PPP6C: variants seen among roughly 807,000 people sequenced by gnomAD.
PPP6C encodes the protein serine/threonine-protein phosphatase 6 catalytic subunit.
In PPP6C, 11 loss-of-function variants were observed where a neutral mutation model predicts 39.8. The observed-to-expected ratio is 0.28, with a 90% CI of 0.17 to 0.46. The LOEUF is 0.46. PPP6C is among the 20% of genes least tolerant of loss of function. The pLI is 1.00. For synonymous variants in PPP6C, 129 were observed against 130.3 expected (o/e 0.99, Z 0.07); for missense variants, 211 against 373.9 (o/e 0.56, Z 3.59).
At chr9:125,160,459 T>TG (rs1446561117) in intron 3 of PPP6C, among the ~76,000 whole-genome samples, 1 of 152,204 alleles carries the variant, frequency 6.6e-6, no homozygotes, top group East Asian at 1.9e-4. Context: ...AATTGAATCA[T>TG]GGGGGCAAGT....
At position 125,171,274 on chromosome 9, in the gene PPP6C, C is replaced by T. The variant is rs1286928319; in HGVS notation, c.76-94G>A. On this transcript the variant is annotated intron_variant, in intron 1 of 6. Coordinates refer to ENST00000373547, the MANE Select transcript of PPP6C (RefSeq NM_002721.5). ...AGAAAAATACCAGGTCTAATACTTA[C>T]AAAACCCAAGTATACTTTTTGATAG... 1.6e-5 allele frequency: 15 copies of T among 961,074 alleles called. No homozygotes were observed. The South Asian group carries it at 2.7e-4, about 17-fold the overall frequency. 59.5% of individuals were successfully genotyped at this position (961,074 alleles called of 1,614,324 possible). A position where few individuals can be genotyped will look rare whatever the true frequency, so the allele number is the denominator to read the frequency against.
chr9:125,162,843 C>T (rs1411098769), intron 2 of PPP6C, among the ~76,000 whole-genome samples: 1 of 150,728 alleles, frequency 6.6e-6, no homozygotes, highest in Non-Finnish European at 1.5e-5. Context: ...TTTGGGAGGC[C>T]GAGGCGGGTG....
intron 1 of PPP6C, among the ~76,000 whole-genome samples, chr9:125,177,578 G>C (rs1417473626): frequency 6.6e-6 from 1 of 152,048 alleles, no homozygotes; most frequent in South Asian, 2.1e-4. Context: ...AAAGTGCAGA[G>C]TTCCCATATA....
chr9:125,172,380 A>C lies in PPP6C; in HGVS notation c.76-1200T>G, dbSNP rs144509180. Reference sequence around the variant, plus strand: ...CAGGCACACACCATCATGCCCAGCTAATTTTTGTATTCTTAGTAGTTTCAC... The same window carrying C: ...CAGGCACACACCATCATGCCCAGCTCATTTTTGTATTCTTAGTAGTTTCAC... On this transcript the variant is annotated intron_variant, in intron 1 of 6. Transcript: ENST00000373547. 8.5e-3 allele frequency among the ~76,000 whole-genome samples: 1,290 copies of C among 152,006 alleles called. 5 individuals are homozygous for C. The highest frequency in any genetic ancestry group is 0.024 in the Middle Eastern group (7 of 294).
In PPP6C at chr9:125,156,740, G is replaced by GCT. The variant is rs1554721200; in HGVS notation, c.379+1499_379+1500dup. 1.3e-4 allele frequency among the ~76,000 whole-genome samples: 17 copies of GCT among 134,170 alleles called. No individual in the cohort carries two copies. The South Asian group carries it at 2.4e-3, about 19-fold the overall frequency. 88.0% of individuals were successfully genotyped at this position (134,170 alleles called of 152,430 possible). ...TTTCCCTGAAGGGGCTTCCTAATAA[G>GCT]CTCGCTCTCTCTCTCTCTCTCTCTC... On this transcript the variant is annotated intron_variant, in intron 4 of 6. Transcript: ENST00000373547.
chr9:125,157,297 A>G (rs868443254), intron 4 of PPP6C, among the ~76,000 whole-genome samples: 2 of 151,938 alleles, frequency 1.3e-5, no homozygotes, highest in Admixed American at 1.3e-4. Context: ...GCTGTTTATG[A>G]CTAAGTTCTG....
intron 1 of PPP6C, chr9:125,188,793 CAATAAT>C (rs57163595): frequency 0.021 from 5,279 of 255,332 alleles, 377 homozygotes; most frequent in East Asian, 0.13. Flanking sequence ...CAGTTAAAAA[CAATAAT>C]AATAATAATA....
At chr9:125,166,535 CTTTT>C (rs1169190980) in intron 2 of PPP6C, among the ~76,000 whole-genome samples, 1 of 134,460 alleles carries the variant, frequency 7.4e-6, no homozygotes, top group Non-Finnish European at 1.6e-5. Flanking sequence ...TTTTCTTTTT[CTTTT>C]TTTTTTTTTT....
intron 1 of PPP6C, among the ~76,000 whole-genome samples, chr9:125,177,367 T>C (rs1829323819): frequency 7.6e-6 from 1 of 131,192 alleles, no homozygotes. Context: ...AGCAAGACTC[T>C]GTCTCAAAAC....
chr9:125,170,514 G>T (rs186846188), intron 2 of PPP6C, among the ~76,000 whole-genome samples: 11 of 152,120 alleles, frequency 7.2e-5, no homozygotes, highest in Non-Finnish European at 1.6e-4. Flanking sequence ...TGGGACTACA[G>T]GTGTGAGCCA....
At chr9:125,188,925 T>C (rs2131349195) in intron 1 of PPP6C, 2 of 1,548,956 alleles carry the variant, frequency 1.3e-6, no homozygotes, top group South Asian at 1.2e-5. Flanking sequence ...TCACCTCCTT[T>C]AGAAAACGAA....
chr9:125,184,071 T>C (rs553390312), intron 1 of PPP6C, among the ~76,000 whole-genome samples: 5 of 152,232 alleles, frequency 3.3e-5, no homozygotes, highest in South Asian at 2.1e-4. Context: ...CTGGACAGCA[T>C]AGCAAGACGC....
chr9:125,189,733 G>A lies in PPP6C; in HGVS notation c.-15C>T, dbSNP rs946309032. Reference sequence around the variant, plus strand: ...AGCGGCGCCATTTTAAGAATAACAAGCCGCGGCAACAGCGGCGGCGGCGGC... The same window carrying A: ...AGCGGCGCCATTTTAAGAATAACAAACCGCGGCAACAGCGGCGGCGGCGGC... On this transcript the variant is annotated 5_prime_UTR_variant, in exon 1 of 7. Coordinates refer to ENST00000373547, the MANE Select transcript of PPP6C (RefSeq NM_002721.5). The A allele has an allele frequency of 1.9e-5, 30 of 1,571,846 alleles. No individual in the cohort carries two copies. Among genetic ancestry groups the A allele is most frequent in the Non-Finnish European group, 2.5e-5 (29 of 1,164,660 alleles).
intron 2 of PPP6C, among the ~76,000 whole-genome samples, chr9:125,163,198 T>C (rs1040414525): frequency 6.6e-6 from 1 of 152,064 alleles, no homozygotes; most frequent in Non-Finnish European, 1.5e-5. Context: ...AGGCCATGAA[T>C]AAAAATTATG....
rs376986006 is a variant in PPP6C at position 125,187,179 on chromosome 9, T to A, written c.75+2465A>T. Among the ~76,000 whole-genome samples the A allele has an allele frequency of 8.7e-4, 132 of 151,916 alleles. No homozygotes were observed. The Middle Eastern group carries it at 0.014, about 16-fold the overall frequency. ...CCAGGCTGGTCTCGAGCTCCTGACCTCAAGTGATCCACCTGCCTCAGCCAC... is the reference window on the plus strand; with the variant it reads ...CCAGGCTGGTCTCGAGCTCCTGACCACAAGTGATCCACCTGCCTCAGCCAC... On this transcript the variant is annotated intron_variant, in intron 1 of 6. Transcript: ENST00000373547.
In PPP6C at chr9:125,149,898, T is replaced by A. The variant is rs747579490; in HGVS notation, c.693A>T (p.Lys231Asn). 8.7e-6 allele frequency: 14 copies of A among 1,613,798 alleles called. No homozygotes were observed. The highest frequency in any genetic ancestry group is 1.2e-5 in the Non-Finnish European group (14 of 1,179,986). Residue 231 changes from lysine to asparagine, a missense_variant, in exon 7 of 7, where the codon AAA becomes AAT. By Grantham distance (94) the Lys-to-Asn change is moderately conservative (BLOSUM62 0). Around this residue, in one of 2 missense-constraint regions of PPP6C, gnomAD observed 168 missense variants for 342.6 expected, o/e 0.49. Transcript: ENST00000373547. ...CTAGTTGATGTGCTCTGCAGATGAG[T>A]TTTAAGTTGTTGATATGAACAAACT... is the stretch of plus-strand genomic sequence containing the variant. Reference protein sequence around the residue: ...TNEFVHINNLKLICRAHQLVH... With the variant: ...TNEFVHINNLNLICRAHQLVH...
At chr9:125,151,217 T>C in intron 6 of PPP6C, 2 of 1,510,306 alleles carry the variant, frequency 1.3e-6, no homozygotes, top group South Asian at 2.2e-5. Flanking sequence ...TTTGCCTTGA[T>C]TCACAAAGAA....
intron 4 of PPP6C, among the ~76,000 whole-genome samples, chr9:125,157,573 T>C (rs1836111421): frequency 6.6e-6 from 1 of 152,052 alleles, no homozygotes; most frequent in Non-Finnish European, 1.5e-5. Context: ...ACATACAAAA[T>C]GGATGAGAAT....
At chr9:125,150,728 C>T (rs1293987848) in intron 6 of PPP6C, 6 of 784,396 alleles carry the variant, frequency 7.6e-6, no homozygotes, top group South Asian at 3.9e-5. Context: ...GCCTGGAGCT[C>T]GGCAAGGCAG....
Sources: gnomAD v4.1 joint callset for allele counts (sites outside exome capture counted in the v4.1 genomes callset) on GRCh38, gnomAD v4.1.1 for gene constraint, gnomAD v4.1.1 regional missense constraint, MANE v1.5 for transcripts, NCBI Gene and HGNC (gene_info 2026-07-23, HGNC 2026-07-21) for gene names.